Variants in BTBD8 observed in about 807,000 individuals in gnomAD.
BTBD8 encodes BTB/POZ domain-containing protein 8.
BTBD8 carries 110 observed loss-of-function variants against 162.9 expected under a neutral mutation model. That is an observed-to-expected ratio of 0.68 (90% CI 0.58 to 0.79). The LOEUF (loss-of-function observed/expected upper bound fraction) is 0.79. Among genes scored for constraint, BTBD8 ranks in the 30% least tolerant of loss-of-function variants. The pLI, the probability that BTBD8 is intolerant of heterozygous loss-of-function variation, is 0.00. For missense variants in BTBD8, 1,905 were observed against 2,085.4 expected, an observed-to-expected ratio of 0.91 and a Z score of 1.68; for synonymous variants, 667 against 716.1, an observed-to-expected ratio of 0.93 and a Z score of 1.10.
At chr1:92,086,761 C>T (rs1227930551) in intron 1 of BTBD8, among the ~76,000 whole-genome samples, 1 of 152,174 alleles carries the variant, frequency 6.6e-6, no homozygotes, top group East Asian at 1.9e-4. Flanking sequence ...GAGTTTGGCT[C>T]CTTCTTGCTC....
At chr1:92,156,303 A>G (rs1481368783) in intron 9 of BTBD8, among the ~76,000 whole-genome samples, 1 of 152,168 alleles carries the variant, frequency 6.6e-6, no homozygotes, top group African/African-American at 2.4e-5. Context: ...TTTATAATGT[A>G]CTGTTGAATT....
chr1:92,178,503 G>T (rs771290317), intron 16 of BTBD8, 52 bp downstream of exon 16: 94 of 1,427,400 alleles, frequency 6.6e-5, no homozygotes, highest in Non-Finnish European at 8.7e-5. Flanking sequence ...TGTGTAAACT[G>T]GATAAGCCAA....
chr1:92,102,808 T>A, intron 3 of BTBD8, 139 bp downstream of exon 3: 1 of 709,098 alleles, frequency 1.4e-6, no homozygotes. Context: ...ACACTAGTAT[T>A]GTTAACTCCC....
At chr1:92,091,489 A>G (rs1648300599) in intron 2 of BTBD8, among the ~76,000 whole-genome samples, 1 of 151,444 alleles carries the variant, frequency 6.6e-6, no homozygotes, top group South Asian at 2.1e-4. Context: ...GTGTATGTAT[A>G]TATTTTTTTG....
At chr1:92,127,221 C>A (rs1437191739) in intron 4 of BTBD8, among the ~76,000 whole-genome samples, 1 of 152,198 alleles carries the variant, frequency 6.6e-6, no homozygotes, top group Non-Finnish European at 1.5e-5. Flanking sequence ...CTACATCTGC[C>A]TCTGCTCACA....
chr1:92,121,132 T>C (rs906989877), intron 4 of BTBD8, among the ~76,000 whole-genome samples: 5 of 152,246 alleles, frequency 3.3e-5, no homozygotes, highest in African/African-American at 1.2e-4. Context: ...CTGCATTGAT[T>C]TTGATGATCA....
rs1650427172 is a variant in BTBD8 at position 92,167,960 on chromosome 1, T to C, written c.1418T>C (p.Leu473Pro). The C allele has an allele frequency of 6.5e-7, 1 of 1,548,696 alleles. No homozygotes were observed. The highest frequency in any genetic ancestry group is 8.7e-7 in the Non-Finnish European group (1 of 1,145,116). The change falls in exon 11 of 18, where the codon CTG (leucine) becomes CCG (proline). Residue 473 changes from leucine to proline, a missense_variant. By Grantham distance (98) the Leu-to-Pro change is moderately conservative (BLOSUM62 -3). Coordinates refer to ENST00000636805, the MANE Select transcript of BTBD8 (RefSeq NM_001376131.1). Reference sequence around the variant, plus strand: ...CTTCTTATGGCTCTGGACACACTGCTGAACTCTGACAGTACAAAGGAAATG... The same window carrying C: ...CTTCTTATGGCTCTGGACACACTGCCGAACTCTGACAGTACAAAGGAAATG... Reference protein sequence around the residue: ...CSLLMALDTLLNSDSTKEMGF... With the variant: ...CSLLMALDTLPNSDSTKEMGF...
chr1:92,175,090 G>A (rs912688698), intron 13 of BTBD8, among the ~76,000 whole-genome samples: 1 of 151,820 alleles, frequency 6.6e-6, no homozygotes, highest in African/African-American at 2.4e-5. Context: ...GGTGCCGAGG[G>A]ATACAAAAGA....
chr1:92,119,388 T>G (rs1649132046), intron 4 of BTBD8, among the ~76,000 whole-genome samples: 1 of 150,268 alleles, frequency 6.7e-6, no homozygotes, highest in Non-Finnish European at 1.5e-5. Flanking sequence ...CTAGCTCCAG[T>G]GATCCTCCCA....
rs944583618 is a variant in BTBD8 at position 92,170,804 on chromosome 1, A to G, written c.1574-595A>G. 4.6e-5 allele frequency among the ~76,000 whole-genome samples: 7 copies of G among 152,230 alleles called. No individual in the cohort carries two copies. The East Asian group carries it at 1.2e-3, about 25-fold the overall frequency. ...GAAGAGCATAGACATGAGTTCTGCAATAAATTCCCATATAAACCTAACTTA... is the reference window on the plus strand; with the variant it reads ...GAAGAGCATAGACATGAGTTCTGCAGTAAATTCCCATATAAACCTAACTTA... On this transcript the variant is annotated intron_variant, in intron 12 of 17. Coordinates refer to ENST00000636805, the MANE Select transcript of BTBD8 (RefSeq NM_001376131.1).
chr1:92,111,678 G>GA lies in BTBD8; in HGVS notation c.662+3677_662+3678insA, dbSNP rs148257862. On this transcript the variant is annotated intron_variant, in intron 4 of 17. Transcript: ENST00000636805. ...AATAGTAGTAGAAATTATAGCATGGGTGGCTGTGAAGATTGAATCAGATAA... is the reference window on the plus strand; with the variant it reads ...AATAGTAGTAGAAATTATAGCATGGGATGGCTGTGAAGATTGAATCAGATAA... Among the ~76,000 whole-genome samples the GA allele has an allele frequency of 1.8e-3, 268 of 152,282 alleles. 3 individuals carry two copies. Among genetic ancestry groups the GA allele is most frequent in the African/African-American group, 5.9e-3 (245 of 41,542 alleles).
At chr1:92,104,264 C>G (rs1182998340) in intron 3 of BTBD8, among the ~76,000 whole-genome samples, 1 of 152,194 alleles carries the variant, frequency 6.6e-6, no homozygotes, top group African/African-American at 2.4e-5. Flanking sequence ...AAAGCAACAA[C>G]AGTTACTCAT....
chr1:92,162,545 G>A (rs996135842), intron 9 of BTBD8, among the ~76,000 whole-genome samples: 1 of 152,152 alleles, frequency 6.6e-6, no homozygotes, highest in African/African-American at 2.4e-5. Flanking sequence ...AAACACTTGG[G>A]GGTCTTGTTT....
Position 92,180,568 on chromosome 1 carries a change from C to T in BTBD8, c.2885C>T (p.Thr962Ile), listed in dbSNP as rs866597241. The T allele has an allele frequency of 6.4e-6, 10 of 1,551,510 alleles. No individual in the cohort carries two copies. In the African/African-American group the frequency reaches 1.1e-4, roughly 17 times the overall value. Reference protein sequence around the residue: ...PSSQRPLKHETSTVQKSMFHD... With the variant: ...PSSQRPLKHEISTVQKSMFHD... ...TCCCAAAGACCTTTAAAACATGAAA[C>T]ATCTACTGTCCAAAAAAGTATGTTT... The change falls in exon 17 of 18, where the codon ACA (threonine) becomes ATA (isoleucine). Residue 962 changes from threonine (T) to isoleucine (I), a missense_variant. Around this residue, in one of 3 missense-constraint regions of BTBD8, gnomAD observed 1,374 missense variants for 1,442.7 expected, o/e 0.95. Transcript: ENST00000636805.
intron 9 of BTBD8, among the ~76,000 whole-genome samples, chr1:92,164,754 C>T (rs7529835): frequency 0.62 from 92,848 of 149,556 alleles, 29,363 homozygotes; most frequent in East Asian, 0.96. Context: ...CTCTGCCTCC[C>T]GGGTTCATGC....
At chr1:92,115,920 T>A (rs1162003454) in intron 4 of BTBD8, 2 of 152,288 alleles carry the variant, frequency 1.3e-5, no homozygotes, top group Non-Finnish European at 2.9e-5. Flanking sequence ...CTGCCATTTA[T>A]ACTTTCTTAA....
In BTBD8 at chr1:92,178,413, G is replaced by C. The variant is rs1191106840; in HGVS notation, c.2543G>C (p.Arg848Thr). 2 of 1,551,252 alleles carry C rather than the reference G, an allele frequency of 1.3e-6. No individual in the cohort carries two copies. The highest frequency in any genetic ancestry group is 1.7e-6 in the Non-Finnish European group (2 of 1,146,744). Residue 848 changes from arginine to threonine, a missense_variant, in exon 16 of 18, where the codon AGG becomes ACG. Arg to Thr is a moderately conservative substitution (Grantham distance 71). Coordinates refer to ENST00000636805, the MANE Select transcript of BTBD8 (RefSeq NM_001376131.1). ...TSNGCTAAQQ[R>T]TKSTPSNLTK... The stretch of plus-strand genomic sequence containing the variant: ...AATGGATGTACTGCAGCTCAGCAGA[G>C]GACAAAGAGTACCCCATCTAATCTT...
At chr1:92,145,275 T>A (rs1649884734) in intron 7 of BTBD8, among the ~76,000 whole-genome samples, 1 of 152,180 alleles carries the variant, frequency 6.6e-6, no homozygotes, top group South Asian at 2.1e-4. Flanking sequence ...TACATTCAAT[T>A]TTTTTAATAC....
rs926590422 is a variant in BTBD8 at position 92,102,624 on chromosome 1, A to G, written c.499A>G (p.Ile167Val). The G allele has an allele frequency of 1.8e-5, 28 of 1,545,180 alleles. No individual in the cohort carries two copies. The highest frequency in any genetic ancestry group is 4.0e-5 in the Admixed American group (2 of 49,900). The change falls in exon 3 of 18, where the codon ATT becomes GTT. Residue 167 changes from isoleucine (I) to valine (V), a missense_variant. Around this residue, in one of 3 missense-constraint regions of BTBD8, gnomAD observed 1,374 missense variants for 1,442.7 expected, o/e 0.95. Coordinates refer to ENST00000636805, the MANE Select transcript of BTBD8 (RefSeq NM_001376131.1). ...SSDCSLQKHE[I>V]PEDISDRDDD... ...TGATTGTTCTCTTCAGAAGCATGAAATTCCAGAGGATATCAGTGACAGAGA... is the reference window on the plus strand; with the variant it reads ...TGATTGTTCTCTTCAGAAGCATGAAGTTCCAGAGGATATCAGTGACAGAGA...
Sources: gnomAD v4.1 joint callset for allele counts (sites outside exome capture counted in the v4.1 genomes callset) on GRCh38, gnomAD v4.1.1 for gene constraint, gnomAD v4.1.1 regional missense constraint, MANE v1.5 for transcripts, NCBI Gene and HGNC (gene_info 2026-07-23, HGNC 2026-07-21) for gene names.